Variants in CFAP70 observed in about 807,000 individuals in gnomAD.
CFAP70 encodes the protein cilia and flagella associated protein 70.
In CFAP70, 81 loss-of-function variants were observed where a neutral mutation model predicts 137.6. That is an observed-to-expected ratio of 0.59 (90% CI 0.49 to 0.71). The LOEUF is 0.71. Among genes scored for constraint, CFAP70 ranks in the 30% least tolerant of loss-of-function variants. The probability of loss-of-function intolerance (pLI) is 0.00; values close to 1 mark genes in which losing one functional copy is unlikely to be tolerated. For missense variants in CFAP70, 976 were observed against 1,226.7 expected, an observed-to-expected ratio of 0.80 and a Z score of 3.05; for synonymous variants, 382 against 423.6, an observed-to-expected ratio of 0.90 and a Z score of 1.20.
At chr10:73,281,551 G>A (rs1022885124) in intron 19 of CFAP70, among the ~76,000 whole-genome samples, 1 of 152,074 alleles carries the variant, frequency 6.6e-6, no homozygotes, top group African/African-American at 2.4e-5. Flanking sequence ...GGGTGTGGGT[G>A]GAGCCTGGTT....
chr10:73,298,093 A>C (rs1282050311), intron 14 of CFAP70, among the ~76,000 whole-genome samples: 1 of 152,220 alleles, frequency 6.6e-6, no homozygotes, highest in Non-Finnish European at 1.5e-5. Context: ...GTAGTGTAGC[A>C]GTTAAGAATG....
Position 73,322,952 on chromosome 10 carries a change from T to C in CFAP70, c.912+11A>G. The C allele has an allele frequency of 1.3e-6, 2 of 1,576,392 alleles. No individual in the cohort carries two copies. The highest frequency in any genetic ancestry group is 1.7e-6 in the Non-Finnish European group (2 of 1,166,182). Reference sequence around the variant, plus strand: ...AATTACCATGATGATTTTTATGCAATTTTTTCTTACCTTTTCATGGACTAC... The same window carrying C: ...AATTACCATGATGATTTTTATGCAACTTTTTCTTACCTTTTCATGGACTAC... On this transcript the variant is annotated intron_variant, in intron 9 of 26. Coordinates refer to ENST00000310715, the Ensembl canonical transcript of CFAP70.
chr10:73,292,095 A>C, intron 16 of CFAP70, 81 bp from the exon 18 acceptor site: 1 of 1,515,174 alleles, frequency 6.6e-7, no homozygotes, highest in Non-Finnish European at 9.0e-7. Context: ...AACACTGTAA[A>C]TACTGTAAGT....
chr10:73,322,703 A>T (rs2050985663), intron 9 of CFAP70, among the ~76,000 whole-genome samples: 1 of 152,064 alleles, frequency 6.6e-6, no homozygotes, highest in Admixed American at 6.5e-5. Context: ...GTATTCCATC[A>T]TACAGAGGTA....
At chr10:73,287,955 T>G (rs183769580) in intron 19 of CFAP70, among the ~76,000 whole-genome samples, 2 of 152,252 alleles carry the variant, frequency 1.3e-5, no homozygotes, top group Non-Finnish European at 2.9e-5. Flanking sequence ...TGGAGTGCAG[T>G]GGCGCAATCT....
At chr10:73,282,826 CTTTTTTTTTTTTT>C (rs1203127459) in intron 19 of CFAP70, among the ~76,000 whole-genome samples, 1 of 90,924 alleles carries the variant, frequency 1.1e-5, no homozygotes, top group Non-Finnish European at 2.2e-5. Context: ...TTCCTGTTAT[CTTTTTTTTTTTTT>C]TTTTTTTTTT....
intron 19 of CFAP70, among the ~76,000 whole-genome samples, chr10:73,282,071 T>A (rs1222653437): frequency 1.3e-5 from 2 of 152,034 alleles, no homozygotes; most frequent in Non-Finnish European, 2.9e-5. Flanking sequence ...CAAAGCCAAA[T>A]AAGCTCATGG....
intron 19 of CFAP70, among the ~76,000 whole-genome samples, chr10:73,284,737 CACATATATATATATAT>C (rs2047518845): frequency 2.7e-4 from 16 of 60,088 alleles, no homozygotes; most frequent in Admixed American, 7.2e-4. Context: ...TATGACCTGC[CACATATATATATATAT>C]ATATATATAT....
chr10:73,290,359 A>G (rs774438386), intron 19 of CFAP70, among the ~76,000 whole-genome samples: 12 of 152,200 alleles, frequency 7.9e-5, no homozygotes, highest in Non-Finnish European at 1.3e-4. Context: ...AAACTTATCT[A>G]TGATGATAGA....
chr10:73,286,506 AAC>A (rs570014588), intron 19 of CFAP70, among the ~76,000 whole-genome samples: 141 of 152,348 alleles, frequency 9.3e-4, no homozygotes, highest in African/African-American at 3.1e-3. Context: ...TTAGTTTACC[AAC>A]AGAGTGTCCT....
chr10:73,275,655 G>T lies in CFAP70; in HGVS notation c.2521-57C>A, dbSNP rs1055259235. On this transcript the variant is annotated intron_variant, in intron 21 of 26. Coordinates refer to ENST00000310715, the Ensembl canonical transcript of CFAP70. This position sits in a 1 kb window ranked among gnomAD's most constrained non-coding sequence, Gnocchi z 4.0. ...TAAATGGCTGCATTGCGTCTTTTTC[G>T]GTTGAAGGATTCTGTCTCTGATAAT... The T allele has an allele frequency of 1.4e-6, 2 of 1,387,284 alleles. No individual in the cohort carries two copies. Among genetic ancestry groups the T allele is most frequent in the Non-Finnish European group, 1.9e-6 (2 of 1,044,576 alleles). 85.9% of individuals were successfully genotyped at this position (1,387,284 alleles called of 1,614,324 possible).
chr10:73,283,510 GTGT>G (rs111967171), intron 19 of CFAP70, among the ~76,000 whole-genome samples: 15,990 of 152,064 alleles, frequency 0.11, 1,197 homozygotes, highest in East Asian at 0.3. Flanking sequence ...TTAAAAAGCT[GTGT>G]TGTTTAGTGC....
chr10:73,291,826 C>T (rs965161049), intron 17 of CFAP70, 55 bp downstream of exon 18: 11 of 1,613,240 alleles, frequency 6.8e-6, no homozygotes, highest in East Asian at 2.2e-5. Flanking sequence ...GACAATTTCA[C>T]GTAGAAACTT....
chr10:73,311,082 A>G (rs2049874225), intron 11 of CFAP70, among the ~76,000 whole-genome samples: 1 of 152,222 alleles, frequency 6.6e-6, no homozygotes, highest in African/African-American at 2.4e-5. Flanking sequence ...GAGGTTCAAG[A>G]ATCTGTCATC....
chr10:73,282,603 G>T (rs1256919698), intron 19 of CFAP70, among the ~76,000 whole-genome samples: 1 of 151,852 alleles, frequency 6.6e-6, no homozygotes, highest in African/African-American at 2.4e-5. Context: ...GTTTTACCAT[G>T]TTGACCAGGC....
intron 9 of CFAP70, among the ~76,000 whole-genome samples, chr10:73,314,420 A>T (rs1311227899): frequency 1.3e-5 from 2 of 152,230 alleles, no homozygotes; most frequent in Non-Finnish European, 2.9e-5. Context: ...TATTTCATAG[A>T]TTCAAAGACA....
exon 7 of CFAP70, chr10:73,335,453 G>A: frequency 6.2e-7 from 1 of 1,610,438 alleles, no homozygotes. Context: ...AAGGATCAAG[G>A]TAGCAGCGAC....
intron 9 of CFAP70, among the ~76,000 whole-genome samples, chr10:73,318,381 C>A (rs1183204889): frequency 6.6e-6 from 1 of 152,052 alleles, no homozygotes; most frequent in African/African-American, 2.4e-5. Context: ...AAAATGTTAT[C>A]ATATTTATAT....
intron 21 of CFAP70, chr10:73,276,156 G>A (rs747484232): frequency 6.6e-6 from 1 of 150,872 alleles, no homozygotes; most frequent in Non-Finnish European, 1.5e-5. Context: ...GTCACCCAGG[G>A]CTGCTTACTG....
Sources: allele counts gnomAD v4.1 joint callset (sites outside exome capture counted in the v4.1 genomes callset), GRCh38; gene constraint gnomAD v4.1.1; non-coding constraint Gnocchi (gnomAD v3.1); transcripts MANE v1.5; gene names NCBI Gene and HGNC (gene_info 2026-07-23, HGNC 2026-07-21).